Variants in PRELID2 observed in about 807,000 individuals in gnomAD.
The protein encoded by PRELID2 is PRELI domain containing 2.
In PRELID2, 25 loss-of-function variants were observed where a neutral mutation model predicts 28.4. The ratio of observed to expected loss-of-function variants is 0.88; its 90% CI spans 0.64 to 1.23. The LOEUF is 1.23. Among genes scored for constraint, PRELID2 ranks in the 50% most tolerant of loss-of-function variants. The pLI is 0.00. For missense variants in PRELID2, 201 were observed against 214.4 expected (o/e 0.94, Z 0.39); for synonymous variants, 76 against 71.6 (o/e 1.06, Z -0.31).
chr5:145,230,019 T>TG, the PRELID2 span: 1 of 716,082 alleles, frequency 1.4e-6, no homozygotes, highest in African/African-American at 1.7e-5. Context: ...ACTGAAGGAA[T>TG]ACCATTGTCT....
intron 1 of PRELID2, among the ~76,000 whole-genome samples, chr5:145,535,333 A>G (rs1413582896): frequency 1.3e-5 from 2 of 151,884 alleles, no homozygotes; most frequent in African/African-American, 4.8e-5. Flanking sequence ...AGCGAGTTTA[A>G]GTGATTTTCT....
chr5:145,697,105 A>T (rs1009559597), intron 1 of PRELID2, among the ~76,000 whole-genome samples: 16 of 143,206 alleles, frequency 1.1e-4, no homozygotes, highest in Non-Finnish European at 1.8e-4. Context: ...ATATATATGT[A>T]TATATACCTG....
intron 1 of PRELID2, among the ~76,000 whole-genome samples, chr5:145,648,530 T>A (rs1226133179): frequency 6.6e-6 from 1 of 151,506 alleles, no homozygotes; most frequent in African/African-American, 2.4e-5. Context: ...GTTGTCAGTT[T>A]TATTGTTGGT....
At chr5:145,704,395 A>T (rs1442056910) in intron 1 of PRELID2, 1 of 152,212 alleles carries the variant, frequency 6.6e-6, no homozygotes, top group South Asian at 2.1e-4. Flanking sequence ...CAGCCCAAAT[A>T]TGGTGTTACT....
intron 1 of PRELID2, among the ~76,000 whole-genome samples, chr5:145,830,378 T>G (rs1287169166): frequency 6.6e-6 from 1 of 152,202 alleles, no homozygotes; most frequent in Admixed American, 6.5e-5. Context: ...TCCTTTTTAA[T>G]GAGTTTAAAT....
the PRELID2 span, among the ~76,000 whole-genome samples, chr5:145,413,350 T>TGTC: frequency 1.3e-5 from 2 of 151,504 alleles, no homozygotes; most frequent in Non-Finnish European, 2.9e-5. Flanking sequence ...TTGACATGAA[T>TGTC]GTGAAAAGGG....
chr5:145,262,811 A>G, the PRELID2 span, among the ~76,000 whole-genome samples: 6 of 152,162 alleles, frequency 3.9e-5, no homozygotes, highest in African/African-American at 1.4e-4. Context: ...GCAACAAATG[A>G]CACAATGAAA....
chr5:145,543,435 G>T (rs573814067), intron 1 of PRELID2, among the ~76,000 whole-genome samples: 5 of 152,072 alleles, frequency 3.3e-5, no homozygotes, highest in African/African-American at 1.2e-4. Context: ...TTTAAGTTGT[G>T]GCTCTTTATC....
chr5:145,479,859 A>G (rs1225379216), intron 1 of PRELID2, among the ~76,000 whole-genome samples: 1 of 152,202 alleles, frequency 6.6e-6, no homozygotes, highest in Non-Finnish European at 1.5e-5. Flanking sequence ...AAAGGGGGGT[A>G]AGATAACCCC....
At chr5:145,813,583 T>C (rs1581254601) in intron 4 of PRELID2, among the ~76,000 whole-genome samples, 2 of 152,224 alleles carry the variant, frequency 1.3e-5, no homozygotes, top group East Asian at 1.9e-4. Context: ...GAGTCTACAA[T>C]ATCTGCATTC....
intron 1 of PRELID2, among the ~76,000 whole-genome samples, chr5:145,512,701 C>T (rs1752472199): frequency 6.6e-6 from 1 of 152,178 alleles, no homozygotes; most frequent in Admixed American, 6.5e-5. Flanking sequence ...AGACACTTCC[C>T]AGCAGGGGTC....
At chr5:145,382,017 G>A in the PRELID2 span, among the ~76,000 whole-genome samples, 1 of 151,530 alleles carries the variant, frequency 6.6e-6, no homozygotes, top group Non-Finnish European at 1.5e-5. Context: ...TTTAAAGTGG[G>A]GGGTAGTCAT....
chr5:145,756,497 T>G lies in PRELID2; in HGVS notation c.*4039A>C, dbSNP rs1263520580. On this transcript the variant is annotated 3_prime_UTR_variant, in exon 7 of 7. Coordinates refer to ENST00000683046, the MANE Select transcript of PRELID2 (RefSeq NM_205846.3). The stretch of plus-strand genomic sequence containing the variant: ...ATCATTTTTTGAGTTTTAATCCTCT[T>G]AAGTTTCACATTATAGAACTGAATA... Among the ~76,000 whole-genome samples, 1 of 152,232 alleles carries G rather than the reference T, an allele frequency of 6.6e-6. No individual in the cohort carries two copies. The highest frequency in any genetic ancestry group is 1.5e-5 in the Non-Finnish European group (1 of 68,042).
At chr5:145,588,174 G>A (rs1469579914) in intron 1 of PRELID2, among the ~76,000 whole-genome samples, 2 of 152,006 alleles carry the variant, frequency 1.3e-5, no homozygotes, top group African/African-American at 4.8e-5. Flanking sequence ...ACCATTTATG[G>A]TATGCTCAGA....
At chr5:145,344,278 CA>C in the PRELID2 span, among the ~76,000 whole-genome samples, 1 of 151,874 alleles carries the variant, frequency 6.6e-6, no homozygotes, top group East Asian at 1.9e-4. Flanking sequence ...AAACTGAATC[CA>C]ACAGATATCA....
intron 4 of PRELID2, among the ~76,000 whole-genome samples, chr5:145,817,522 A>G (rs1754456428): frequency 6.7e-6 from 1 of 149,086 alleles, no homozygotes; most frequent in African/African-American, 2.4e-5. Context: ...CTAATTTATA[A>G]CTTACAATAC....
At chr5:145,424,096 C>T in the PRELID2 span, among the ~76,000 whole-genome samples, 2 of 151,070 alleles carry the variant, frequency 1.3e-5, no homozygotes, top group Non-Finnish European at 3.0e-5. Context: ...TGCCTGTTCT[C>T]AGATCTCCAG....
At chr5:145,831,524 T>C (rs1348263308) in intron 1 of PRELID2, among the ~76,000 whole-genome samples, 2 of 152,196 alleles carry the variant, frequency 1.3e-5, no homozygotes, top group African/African-American at 4.8e-5. Context: ...GTCTACTGAC[T>C]ACCAGTTCAT....
chr5:145,305,702 A>G, the PRELID2 span, among the ~76,000 whole-genome samples: 25 of 152,148 alleles, frequency 1.6e-4, no homozygotes, highest in African/African-American at 5.8e-4. Flanking sequence ...TGCAGAACTT[A>G]CACACACACA....
Sources: allele counts gnomAD v4.1 joint callset (sites outside exome capture counted in the v4.1 genomes callset), GRCh38; gene constraint gnomAD v4.1.1; transcripts MANE v1.5; gene names NCBI Gene and HGNC (gene_info 2026-07-23, HGNC 2026-07-21).